Variants in KAZN observed in about 807,000 individuals in gnomAD.
KAZN encodes kazrin, periplakin interacting protein, also known as kazrin.
A neutral mutation model predicts 87.4 loss-of-function variants in KAZN; 40 were observed. The observed-to-expected ratio is 0.46, with a 90% CI of 0.36 to 0.60. The LOEUF (loss-of-function observed/expected upper bound fraction) is 0.60, where lower values mean the gene tolerates loss of function less well. Ranked by LOEUF, KAZN falls within the 20% of genes least tolerant of loss-of-function variation. The pLI, the probability that KAZN is intolerant of heterozygous loss-of-function variation, is 0.00. For missense variants in KAZN, 898 were observed against 1,073.9 expected, an observed-to-expected ratio of 0.84 and a Z score of 2.29; for synonymous variants, 466 against 458.3, an observed-to-expected ratio of 1.02 and a Z score of -0.22.
At chr1:14,394,556 A>G (rs1003330945) in intron 2 of KAZN, among the ~76,000 whole-genome samples, 2 of 152,230 alleles carry the variant, frequency 1.3e-5, no homozygotes, top group African/African-American at 2.4e-5. Context: ...TATGACTGTC[A>G]TAACACTCCT....
intron 1 of KAZN, among the ~76,000 whole-genome samples, chr1:14,915,918 A>G (rs1458578274): frequency 6.6e-6 from 1 of 152,216 alleles, no homozygotes; most frequent in East Asian, 1.9e-4. Context: ...TGGACCTTGC[A>G]GCCAGACTAC....
chr1:14,975,014 G>A (rs1217355921), intron 2 of KAZN, among the ~76,000 whole-genome samples: 1 of 152,246 alleles, frequency 6.6e-6, no homozygotes, highest in African/African-American at 2.4e-5. Flanking sequence ...AGGGCAAGGA[G>A]CATTTTAGAA....
At position 13,988,620 on chromosome 1, in the gene KAZN, T is replaced by C. The variant is rs1225247567; in HGVS notation, c.91+94864T>C. Among the ~76,000 whole-genome samples, 2 of 152,108 alleles carry C rather than the reference T, an allele frequency of 1.3e-5. 1 individual carries two copies. The highest frequency in any genetic ancestry group is 4.1e-4 in the South Asian group (2 of 4,822). Reference sequence around the variant, plus strand: ...CATTCTACCAGCTAGAACTCAACCATAGGGTCTCATTTAATCACAAGAGAG... The same window carrying C: ...CATTCTACCAGCTAGAACTCAACCACAGGGTCTCATTTAATCACAAGAGAG... On this transcript the variant is annotated intron_variant, in intron 1 of 16. Transcript: ENST00000636203.
intron 1 of KAZN, among the ~76,000 whole-genome samples, chr1:14,690,122 A>G (rs1307711385): frequency 1.3e-5 from 2 of 152,158 alleles, no homozygotes; most frequent in Non-Finnish European, 2.9e-5. Context: ...TCCATGAACA[A>G]ATGAAGACGG....
chr1:14,858,191 T>G lies in KAZN; in HGVS notation c.227-102493T>G, dbSNP rs186108190. Among the ~76,000 whole-genome samples the G allele has an allele frequency of 5.0e-5, 7 of 139,090 alleles. No homozygotes were observed. In the East Asian group the frequency reaches 1.2e-3, roughly 24 times the overall value. The allele number at this position is 139,090 out of a possible 152,430, so 91.2% of individuals were successfully genotyped here. A position where few individuals can be genotyped will look rare whatever the true frequency, so the allele number is the denominator to read the frequency against. On this transcript the variant is annotated intron_variant, in intron 1 of 14. Transcript: ENST00000376030. Reference sequence around the variant, plus strand: ...TATGGATATGCCACATTTCTTTCTTTTTTTCTTTTTTCTTTTTCTTTTCTT... The same window carrying G: ...TATGGATATGCCACATTTCTTTCTTGTTTTCTTTTTTCTTTTTCTTTTCTT...
chr1:14,343,944 C>T (rs1406716107), intron 2 of KAZN, among the ~76,000 whole-genome samples: 1 of 152,158 alleles, frequency 6.6e-6, no homozygotes, highest in Non-Finnish European at 1.5e-5. Context: ...ACTGTAGCTG[C>T]ATTGTACTAA....
rs145342880 is a variant in KAZN at position 14,369,227 on chromosome 1, T to A, written c.249+188635T>A. Among the ~76,000 whole-genome samples, 1,032 of 152,256 alleles carry A rather than the reference T, an allele frequency of 6.8e-3. 4 individuals carry two copies. The highest frequency in any genetic ancestry group is 0.022 in the South Asian group (104 of 4,820). Reference sequence around the variant, plus strand: ...AAATGTTCTCGATTTTGTGTGTGTGTGTGAGAGCAAAGCAGCCACTGCTGT... The same window carrying A: ...AAATGTTCTCGATTTTGTGTGTGTGAGTGAGAGCAAAGCAGCCACTGCTGT... On this transcript the variant is annotated intron_variant, in intron 2 of 16. Transcript: ENST00000636203.
At chr1:13,963,632 T>C (rs1040485971) in intron 1 of KAZN, among the ~76,000 whole-genome samples, 4 of 152,192 alleles carry the variant, frequency 2.6e-5, no homozygotes, top group African/African-American at 9.7e-5. Context: ...ACTTCTTATC[T>C]CCCTTAAAAT....
chr1:14,289,757 T>C (rs566047490), intron 2 of KAZN, among the ~76,000 whole-genome samples: 1 of 152,324 alleles, frequency 6.6e-6, no homozygotes, highest in South Asian at 2.1e-4. Context: ...TGTTAGTTGA[T>C]GTAGTTTCTT....
intron 2 of KAZN, among the ~76,000 whole-genome samples, chr1:14,400,759 G>C (rs1201586662): frequency 5.3e-5 from 8 of 152,130 alleles, no homozygotes; most frequent in Non-Finnish European, 8.8e-5. Context: ...CCCATCACTT[G>C]GGATCTTAAG....
At chr1:13,933,347 C>T (rs1257316662) in intron 1 of KAZN, among the ~76,000 whole-genome samples, 1 of 152,038 alleles carries the variant, frequency 6.6e-6, no homozygotes, top group Non-Finnish European at 1.5e-5. Flanking sequence ...ACAAAATTAG[C>T]CAGGCGTGGT....
At chr1:14,638,208 G>A (rs1309083005) in intron 1 of KAZN, among the ~76,000 whole-genome samples, 1 of 152,140 alleles carries the variant, frequency 6.6e-6, no homozygotes, top group Non-Finnish European at 1.5e-5. Context: ...ACATTCTGAG[G>A]TTCCCTGTAG....
intron 1 of KAZN, among the ~76,000 whole-genome samples, chr1:14,741,111 C>T (rs1252228736): frequency 1.3e-5 from 2 of 152,196 alleles, no homozygotes; most frequent in African/African-American, 2.4e-5. Flanking sequence ...AAGCACTTGT[C>T]CCAAGTTGCT....
At chr1:14,425,652 C>A (rs1229225799) in intron 2 of KAZN, among the ~76,000 whole-genome samples, 1 of 152,184 alleles carries the variant, frequency 6.6e-6, no homozygotes, top group Non-Finnish European at 1.5e-5. Context: ...TCCGTGAATG[C>A]ATGAATGTTG....
At chr1:14,056,958 C>A (rs886450678) in intron 1 of KAZN, among the ~76,000 whole-genome samples, 1 of 150,166 alleles carries the variant, frequency 6.7e-6, no homozygotes, top group African/African-American at 2.5e-5. Flanking sequence ...GTGGGAGGAT[C>A]GCTTGAGCCC....
At chr1:15,089,799 T>C (rs543975886) in intron 8 of KAZN, among the ~76,000 whole-genome samples, 11 of 148,288 alleles carry the variant, frequency 7.4e-5, no homozygotes, top group East Asian at 2.0e-4. Flanking sequence ...ACAGACTTCA[T>C]TGGCTGCAGA....
intron 1 of KAZN, among the ~76,000 whole-genome samples, chr1:13,980,380 C>T (rs542122702): frequency 6.6e-6 from 1 of 151,926 alleles, no homozygotes; most frequent in Non-Finnish European, 1.5e-5. Flanking sequence ...ATGCTGCTGA[C>T]AAGAAATACA....
chr1:14,899,817 G>T (rs1227458176), intron 1 of KAZN, among the ~76,000 whole-genome samples: 1 of 152,230 alleles, frequency 6.6e-6, no homozygotes, highest in Admixed American at 6.5e-5. Flanking sequence ...ACCGTCTTAA[G>T]CACTGTCCTC....
intron 1 of KAZN, among the ~76,000 whole-genome samples, chr1:14,807,149 G>C (rs1277038705): frequency 6.6e-6 from 1 of 152,178 alleles, no homozygotes; most frequent in African/African-American, 2.4e-5. Context: ...TATTTTGCTG[G>C]TGCAGATCTG....
Sources: allele counts gnomAD v4.1 joint callset (sites outside exome capture counted in the v4.1 genomes callset), GRCh38; gene constraint gnomAD v4.1.1; transcripts MANE v1.5; gene names NCBI Gene and HGNC (gene_info 2026-07-23, HGNC 2026-07-21).